The following KLHDC4 variants were observed in gnomAD, a reference collection of about 807,000 sequenced individuals.
KLHDC4 encodes kelch domain containing 4.
In KLHDC4, 90 loss-of-function variants were observed where a neutral mutation model predicts 62.4. That is an observed-to-expected ratio of 1.44 (90% confidence interval 1.22 to 1.72). The LOEUF is 1.72. KLHDC4 is among the 40% of genes most tolerant of loss of function. KLHDC4 has a pLI of 0.00. For missense variants in KLHDC4, 1,025 were observed against 699.7 expected (o/e 1.47, Z -5.25); for synonymous variants, 386 against 284.4 (o/e 1.36, Z -3.59).
At position 87,709,390 on chromosome 16, in the gene KLHDC4, T is replaced by C. The variant is rs1236314628; in HGVS notation, c.1322A>G (p.His441Arg). Residue 441 changes from histidine to arginine, a missense_variant, in exon 10 of 12, where the codon CAT becomes CGT. Coordinates refer to ENST00000270583, the MANE Select transcript of KLHDC4 (RefSeq NM_017566.4). Reference protein sequence around the residue: ...PRSNAMLAVKHGVLYVYGGMF... With the variant: ...PRSNAMLAVKRGVLYVYGGMF... ...GCCCCCATAGACGTAGAGCACCCCA[T>C]GCTTCACAGCCAGCATGGCGTTGGA... The C allele has an allele frequency of 6.2e-7, 1 of 1,613,400 alleles. No individual in the cohort carries two copies. Among genetic ancestry groups the C allele is most frequent in the Admixed American group, 1.7e-5 (1 of 60,020 alleles).
chr16:87,744,404 A>C (rs1355104274), intron 5 of KLHDC4, among the ~76,000 whole-genome samples: 4 of 146,046 alleles, frequency 2.7e-5, no homozygotes, highest in Non-Finnish European at 6.0e-5. Flanking sequence ...GACGAGAATG[A>C]GACTCCGTCT....
intron 6 of KLHDC4, among the ~76,000 whole-genome samples, chr16:87,728,860 C>T (rs960229620): frequency 2.6e-5 from 4 of 152,062 alleles, no homozygotes; most frequent in African/African-American, 4.8e-5. Flanking sequence ...CTTCAACATC[C>T]GCCTCCCCAG....
chr16:87,753,871 G>T, intron 4 of KLHDC4, among the ~76,000 whole-genome samples: 1 of 151,530 alleles, frequency 6.6e-6, no homozygotes, highest in Admixed American at 6.6e-5. Flanking sequence ...TACTCAGCGG[G>T]CTGAAGCAGG....
In KLHDC4 at chr16:87,711,431, CA is replaced by C. The variant is rs1439727265; in HGVS notation, c.847del (p.Trp283GlyfsTer4). The C allele has an allele frequency of 2.5e-6, 4 of 1,610,336 alleles. No individual in the cohort carries two copies. Among genetic ancestry groups the C allele is most frequent in the Non-Finnish European group, 2.5e-6 (3 of 1,179,028 alleles). Reference sequence around the variant, plus strand: ...GACCCCCGAAGGGTTCATCCGAGTCCAAACCCACTTGTCTGTCAAAAGAGAA... The same window carrying C: ...GACCCCCGAAGGGTTCATCCGAGTCCAACCCACTTGTCTGTCAAAAGAGAA... ...PEDGREDKWV[W>X]TRMNPSGVKP... is the part of the protein sequence containing the mutation. On this transcript the variant is annotated frameshift_variant, in exon 9 of 12. Coordinates refer to ENST00000270583, the MANE Select transcript of KLHDC4 (RefSeq NM_017566.4). LOFTEE classifies it high-confidence loss of function.
chr16:87,711,214 G>A lies in KLHDC4; in HGVS notation c.1044+21C>T, dbSNP rs780742296. The A allele has an allele frequency of 5.6e-6, 9 of 1,612,758 alleles. No homozygotes were observed. The Admixed American group carries it at 1.2e-4, about 21-fold the overall frequency. On this transcript the variant is annotated intron_variant, in intron 9 of 11. Transcript: ENST00000270583. ...GTTAGGGCTGCGCACCACGGCGCAT[G>A]CTACTCAGAGGTTGCACTACCTTCA... is the stretch of plus-strand genomic sequence containing the variant.
intron 8 of KLHDC4, among the ~76,000 whole-genome samples, chr16:87,713,761 T>C (rs538336193): frequency 2.6e-4 from 39 of 152,294 alleles, no homozygotes; most frequent in African/African-American, 8.7e-4. Context: ...GCCAGAGCCA[T>C]GTAAAGGGCT....
intron 1 of KLHDC4, among the ~76,000 whole-genome samples, chr16:87,762,570 A>G (rs972303661): frequency 3.9e-5 from 6 of 152,220 alleles, no homozygotes; most frequent in Non-Finnish European, 8.8e-5. Context: ...CTCCACCCCA[A>G]CAAAATAATA....
At chr16:87,747,222 G>T (rs1280987801) in intron 5 of KLHDC4, among the ~76,000 whole-genome samples, 1 of 152,252 alleles carries the variant, frequency 6.6e-6, no homozygotes, top group African/African-American at 2.4e-5. Context: ...GGGACTTGCT[G>T]GGTTGGGTGC....
intron 1 of KLHDC4, chr16:87,765,409 C>G (rs918627731): frequency 1.0e-5 from 5 of 483,384 alleles, no homozygotes; most frequent in Non-Finnish European, 1.6e-5. Flanking sequence ...CATGCAGAGG[C>G]AGCCCCCGGC....
In KLHDC4 at chr16:87,752,211, T is replaced by G. The variant is rs557087464; in HGVS notation, c.369+2983A>C. 1.2e-3 allele frequency among the ~76,000 whole-genome samples: 171 copies of G among 148,618 alleles called. 1 individual carries two copies. Among genetic ancestry groups the G allele is most frequent in the African/African-American group, 3.9e-3 (158 of 40,376 alleles). On this transcript the variant is annotated intron_variant, in intron 4 of 11. Coordinates refer to ENST00000270583, the MANE Select transcript of KLHDC4 (RefSeq NM_017566.4). ...CGTTTGAGCCCAGGAGTTCAACACT[T>G]GCCTGGGCAATATAGCGAGACCCGT...
downstream of KLHDC4, among the ~76,000 whole-genome samples, chr16:87,703,698 A>C (rs2034307848): frequency 6.6e-6 from 1 of 152,044 alleles, no homozygotes; most frequent in South Asian, 2.1e-4. Flanking sequence ...GAAGGTTGAG[A>C]CAAGGAAAAC....
At chr16:87,730,388 T>C (rs1044995200) in intron 6 of KLHDC4, among the ~76,000 whole-genome samples, 164 bp downstream of exon 6, 2 of 152,250 alleles carry the variant, frequency 1.3e-5, no homozygotes, top group African/African-American at 2.4e-5. Context: ...AGGCCCGGTG[T>C]GAGGCCCTTT....
In KLHDC4 at chr16:87,758,002, C is replaced by G. The variant is rs549390766; in HGVS notation, c.192-1525G>C. 2.0e-5 allele frequency among the ~76,000 whole-genome samples: 3 copies of G among 152,318 alleles called. No homozygotes were observed. The South Asian group carries it at 6.2e-4, about 32-fold the overall frequency. ...GGAAAGATCCTCCCTTCAGAGTCCT[C>G]TAAGACGGCGTTCCCCAAGGCGTGC... On this transcript the variant is annotated intron_variant, in intron 2 of 11. Coordinates refer to ENST00000270583, the MANE Select transcript of KLHDC4 (RefSeq NM_017566.4).
intron 9 of KLHDC4, chr16:87,710,064 G>A: frequency 5.4e-6 from 1 of 186,426 alleles, no homozygotes; most frequent in East Asian, 1.4e-4. Context: ...GGGAAGCCAG[G>A]CTGAGGGGCT....
chr16:87,740,581 C>A (rs1047755968), intron 5 of KLHDC4: 2 of 152,244 alleles, frequency 1.3e-5, no homozygotes, highest in East Asian at 1.9e-4. Context: ...CCAGGACACA[C>A]CTTCGTCAAA....
chr16:87,706,931 G>A (rs2034808198), downstream of KLHDC4, among the ~76,000 whole-genome samples: 1 of 152,220 alleles, frequency 6.6e-6, no homozygotes, highest in South Asian at 2.1e-4. Flanking sequence ...TCCCAGCGGT[G>A]CTTCCACCCG....
Position 87,755,668 on chromosome 16 carries a change from G to A in KLHDC4, c.271-376C>T, listed in dbSNP as rs141733649. 1.6e-3 allele frequency: 308 copies of A among 191,800 alleles called. 1 individual carries two copies. The highest frequency in any genetic ancestry group is 7.1e-3 in the Middle Eastern group (3 of 424). 11.9% of individuals were successfully genotyped at this position (191,800 alleles called of 1,614,324 possible). On this transcript the variant is annotated intron_variant, in intron 3 of 11. Coordinates refer to ENST00000270583, the MANE Select transcript of KLHDC4 (RefSeq NM_017566.4). ...TGCAACCTCCGCCTCCCAGGTGCAAGTGATTCTCTGCCTCAGCCTCCAAGT... is the reference window on the plus strand; with the variant it reads ...TGCAACCTCCGCCTCCCAGGTGCAAATGATTCTCTGCCTCAGCCTCCAAGT...
At chr16:87,736,175 TGACGGGA>T (rs954137286) in intron 5 of KLHDC4, among the ~76,000 whole-genome samples, 14 of 152,196 alleles carry the variant, frequency 9.2e-5, no homozygotes, top group South Asian at 4.1e-4. Context: ...ACGCCTGCAC[TGACGGGA>T]GAGCCCAATG....
chr16:87,715,924 T>A lies in KLHDC4; in HGVS notation c.760-1351A>T, dbSNP rs114423238. Among the ~76,000 whole-genome samples the A allele has an allele frequency of 8.1e-4, 123 of 152,344 alleles. 1 individual carries two copies. Among genetic ancestry groups the A allele is most frequent in the African/African-American group, 2.7e-3 (112 of 41,582 alleles). ...ATACTGACACAGACTTCAGGCACGC[T>A]CAGTGCCTCGTGGATATTGACACAG... On this transcript the variant is annotated intron_variant, in intron 7 of 11. Coordinates refer to ENST00000270583, the MANE Select transcript of KLHDC4 (RefSeq NM_017566.4).
Sources: gnomAD v4.1 joint callset for allele counts (sites outside exome capture counted in the v4.1 genomes callset) on GRCh38, gnomAD v4.1.1 for gene constraint, MANE v1.5 for transcripts, NCBI Gene and HGNC (gene_info 2026-07-23, HGNC 2026-07-21) for gene names.